The following NAB1 variants were observed in gnomAD, a reference collection of about 807,000 sequenced individuals.
NAB1 encodes the protein NGFI-A binding protein 1.
In NAB1, 25 loss-of-function variants were observed where a neutral mutation model predicts 49.9. That is an observed-to-expected ratio of 0.50 (90% CI 0.37 to 0.70). NAB1 has a LOEUF of 0.70. NAB1 is among the 30% of genes least tolerant of loss of function. The pLI is 0.00. For missense variants in NAB1, 489 were observed against 575.9 expected (o/e 0.85, Z 1.54); for synonymous variants, 198 against 215.6 (o/e 0.92, Z 0.71).
chr2:190,688,493 A>T (rs1356151752), intron 9 of NAB1, among the ~76,000 whole-genome samples: 1 of 152,204 alleles, frequency 6.6e-6, no homozygotes, highest in Non-Finnish European at 1.5e-5. Flanking sequence ...TTATCCTAAA[A>T]AGATGACATC....
Position 190,690,598 on chromosome 2 carries a change from T to C in NAB1, c.*265T>C, listed in dbSNP as rs947767735. On this transcript the variant is annotated 3_prime_UTR_variant, in exon 10 of 10. Transcript: ENST00000337386. ...TTAAGTCATTTTATATGGAAAGGCT[T>C]ACAAATCAATATTGTAAGCATTCAT... 10 of 326,892 alleles carry C rather than the reference T, an allele frequency of 3.1e-5. No homozygotes were observed. The highest frequency in any genetic ancestry group is 4.5e-5 in the Non-Finnish European group (8 of 176,480). 20.2% of individuals were successfully genotyped at this position (326,892 alleles called of 1,614,324 possible). A position where few individuals can be genotyped will look rare whatever the true frequency, so the allele number is the denominator to read the frequency against.
intron 3 of NAB1, chr2:190,658,909 G>A (rs978917532): frequency 4.5e-5 from 16 of 353,448 alleles, no homozygotes; most frequent in Non-Finnish European, 8.2e-5. Flanking sequence ...TTGATCCTTG[G>A]TTTGAACCTC....
In NAB1 at chr2:190,675,120, A is replaced by T. The variant is rs1695008067; in HGVS notation, c.1005+1968A>T. 6.6e-6 allele frequency among the ~76,000 whole-genome samples: 1 copy of T among 152,210 alleles called. No individual in the cohort carries two copies. The highest frequency in any genetic ancestry group is 6.5e-5 in the Admixed American group (1 of 15,290). The stretch of plus-strand genomic sequence containing the variant: ...AAAGGGAAAGGCAGGTGAACATAGA[A>T]ACTGCTAAGAAGGCATGTGCCATTG... On this transcript the variant is annotated intron_variant, in intron 6 of 9. Coordinates refer to ENST00000337386, the MANE Select transcript of NAB1 (RefSeq NM_005966.4). The surrounding 1 kb of genome is among the most constrained non-coding windows in gnomAD (Gnocchi z 5.2).
intron 9 of NAB1, among the ~76,000 whole-genome samples, chr2:190,688,792 C>CTTCCTTTCTTTTCT (rs1431087024): frequency 2.0e-5 from 3 of 149,154 alleles, no homozygotes; most frequent in African/African-American, 7.5e-5. Flanking sequence ...CCTTTCTTTC[C>CTTCCTTTCTTTTCT]TTCCTTTCTT....
Position 190,666,845 on chromosome 2 carries a change from T to A in NAB1, c.820-3481T>A, listed in dbSNP as rs1559235601. On this transcript the variant is annotated intron_variant, in intron 4 of 9. Coordinates refer to ENST00000337386, the MANE Select transcript of NAB1 (RefSeq NM_005966.4). This position sits in a 1 kb window ranked among gnomAD's most constrained non-coding sequence, Gnocchi z 5.6. ...TGTTACTTTATCCTTTTAACAAAAT[T>A]AGAGTATTGGCATTCAGAAAAAGCT... is the stretch of plus-strand genomic sequence containing the variant. 6.6e-6 allele frequency among the ~76,000 whole-genome samples: 1 copy of A among 152,238 alleles called. No homozygotes were observed. The highest frequency in any genetic ancestry group is 2.4e-5 in the African/African-American group (1 of 41,450).
Position 190,667,346 on chromosome 2 carries a change from T to A in NAB1, c.820-2980T>A, listed in dbSNP as rs1239654089. ...ATCTTACTGAAAATCAGAGGTTTCC[T>A]TAGTAATTTAGATTTATTAATATGA... On this transcript the variant is annotated intron_variant, in intron 4 of 9. Transcript: ENST00000337386. This position sits in a 1 kb window ranked among gnomAD's most constrained non-coding sequence, Gnocchi z 4.4. 6.6e-6 allele frequency among the ~76,000 whole-genome samples: 1 copy of A among 152,250 alleles called. No individual in the cohort carries two copies. Among genetic ancestry groups the A allele is most frequent in the Non-Finnish European group, 1.5e-5 (1 of 68,042 alleles).
In NAB1 at chr2:190,682,847, G is replaced by A. The variant is rs1196946972; in HGVS notation, c.1006-891G>A. ...AATTGTCATGTATTGCTTGTGGTAT[G>A]ATAAACTAGTAAAGGCCCTCTATAG... On this transcript the variant is annotated intron_variant, in intron 6 of 9. Transcript: ENST00000337386. This position sits in a 1 kb window ranked among gnomAD's most constrained non-coding sequence, Gnocchi z 4.1. Among the ~76,000 whole-genome samples the A allele has an allele frequency of 6.6e-6, 1 of 152,186 alleles. No individual in the cohort carries two copies. The highest frequency in any genetic ancestry group is 1.5e-5 in the Non-Finnish European group (1 of 68,034).
In NAB1 at chr2:190,655,990, G is replaced by A. The variant is rs925149038; in HGVS notation, c.-183G>A. The A allele has an allele frequency of 6.6e-6, 1 of 152,272 alleles. No homozygotes were observed. The highest frequency in any genetic ancestry group is 1.5e-5 in the Non-Finnish European group (1 of 68,066). 9.4% of individuals were successfully genotyped at this position (152,272 alleles called of 1,614,324 possible). On this transcript the variant is annotated 5_prime_UTR_variant, in exon 3 of 10. Coordinates refer to ENST00000337386, the MANE Select transcript of NAB1 (RefSeq NM_005966.4). ...TTCTTTTTATAGGACTGAGCAGGGG[G>A]AGGAACATTTAAGCTGATGGAAGTG...
rs58381017 is a variant in NAB1, at chr2:190,681,426, T to TAAAGA, written c.1006-2311_1006-2310insAAGAA. Among the ~76,000 whole-genome samples the TAAAGA allele has an allele frequency of 2.6e-5, 4 of 152,224 alleles. No individual in the cohort carries two copies. In the South Asian group the frequency reaches 8.3e-4, roughly 32 times the overall value. On this transcript the variant is annotated intron_variant, in intron 6 of 9. Coordinates refer to ENST00000337386, the MANE Select transcript of NAB1 (RefSeq NM_005966.4). ...AGAAAGTTGGATTTTTCAGTCTAAATAGAAAACTTATTTATAAGAAAACTG... is the reference window on the plus strand; with the variant it reads ...AGAAAGTTGGATTTTTCAGTCTAAATAAAGAAGAAAACTTATTTATAAGAAAACTG...
At position 190,657,488 on chromosome 2, in the gene NAB1, A is replaced by T. The variant is rs75046693; in HGVS notation, c.-20+1335A>T. On this transcript the variant is annotated intron_variant, in intron 3 of 9. Coordinates refer to ENST00000337386, the MANE Select transcript of NAB1 (RefSeq NM_005966.4). The surrounding 1 kb of genome is among the most constrained non-coding windows in gnomAD (Gnocchi z 4.4). Reference sequence around the variant, plus strand: ...TGAGATGCATCTCAGGCACCTGGGAAACTGTATTTTTCAAAAGCACCCCAG... The same window carrying T: ...TGAGATGCATCTCAGGCACCTGGGATACTGTATTTTTCAAAAGCACCCCAG... Among the ~76,000 whole-genome samples, 1 of 152,232 alleles carries T rather than the reference A, an allele frequency of 6.6e-6. No individual in the cohort carries two copies. The highest frequency in any genetic ancestry group is 1.5e-5 in the Non-Finnish European group (1 of 68,012).
intron 3 of NAB1, among the ~76,000 whole-genome samples, chr2:190,658,147 A>G (rs913496748): frequency 2.0e-5 from 3 of 152,174 alleles, no homozygotes; most frequent in Middle Eastern, 3.2e-3. Context: ...TTGGGCTCAA[A>G]AAGTATGTTT....
At position 190,685,550 on chromosome 2, in the gene NAB1, C is replaced by T. The variant is rs145836084; in HGVS notation, c.1170C>T (p.Ala390=). The T allele has an allele frequency of 1.9e-5, 31 of 1,613,822 alleles. No individual in the cohort carries two copies. Among genetic ancestry groups the T allele is most frequent in the African/African-American group, 1.9e-4 (14 of 74,890 alleles). Residue 390 remains alanine, a synonymous_variant, in exon 8 of 10, where the codon GCC becomes GCT. Transcript: ENST00000337386. This position sits in a 1 kb window ranked among gnomAD's most constrained non-coding sequence, Gnocchi z 4.5. ...NQAGYERLQH[A]ERRLSAGLYR... is the part of the protein sequence containing the mutation. ...CTGGCTATGAGAGACTGCAGCATGC[C>T]GAGAGGAGGTTGTCTGCAGGGCTTT...
chr2:190,666,174 T>A lies in NAB1; in HGVS notation c.820-4152T>A, dbSNP rs922108689. 6.6e-6 allele frequency among the ~76,000 whole-genome samples: 1 copy of A among 152,142 alleles called. No individual in the cohort carries two copies. The highest frequency in any genetic ancestry group is 2.4e-5 in the African/African-American group (1 of 41,434). On this transcript the variant is annotated intron_variant, in intron 4 of 9. Transcript: ENST00000337386. The surrounding 1 kb of genome is among the most constrained non-coding windows in gnomAD (Gnocchi z 5.6). Reference sequence around the variant, plus strand: ...TTTTTCTGAGAGGGGCCAGTAATGGTACCTAGCCCTCCCAGTGCTGGAAAT... The same window carrying A: ...TTTTTCTGAGAGGGGCCAGTAATGGAACCTAGCCCTCCCAGTGCTGGAAAT...
chr2:190,650,310 C>T (rs1693596552), intron 2 of NAB1, among the ~76,000 whole-genome samples: 1 of 152,158 alleles, frequency 6.6e-6, no homozygotes, highest in African/African-American at 2.4e-5. Flanking sequence ...TAACTTGTCA[C>T]TACCAGTTGG....
chr2:190,661,218 A>G (rs1471822370), intron 4 of NAB1, among the ~76,000 whole-genome samples: 1 of 152,238 alleles, frequency 6.6e-6, no homozygotes, highest in Non-Finnish European at 1.5e-5. Flanking sequence ...GGTATGAGCC[A>G]CTGTACCTAG....
In NAB1 at chr2:190,670,705, A is replaced by T. The variant is rs2125721526; in HGVS notation, c.953+246A>T. On this transcript the variant is annotated intron_variant, in intron 5 of 9. Transcript: ENST00000337386. This position sits in a 1 kb window ranked among gnomAD's most constrained non-coding sequence, Gnocchi z 5.3. ...TAGCATTGTTCTGGTAGTGGTTTTA[A>T]ACATTCTTCTCTCATACACACACTT... Among the ~76,000 whole-genome samples the T allele has an allele frequency of 6.6e-6, 1 of 152,286 alleles. No individual in the cohort carries two copies. Among genetic ancestry groups the T allele is most frequent in the East Asian group, 1.9e-4 (1 of 5,190 alleles).
rs1694334337 is a variant in NAB1 at position 190,663,583 on chromosome 2, T to C, written c.819+3588T>C. On this transcript the variant is annotated intron_variant, in intron 4 of 9. Coordinates refer to ENST00000337386, the MANE Select transcript of NAB1 (RefSeq NM_005966.4). This position sits in a 1 kb window ranked among gnomAD's most constrained non-coding sequence, Gnocchi z 4.2. ...CTCTCTGGCCTTTTACAGAAAAAGCTTGCCAACCTCTGATCTTTTTGAAGA... is the reference window on the plus strand; with the variant it reads ...CTCTCTGGCCTTTTACAGAAAAAGCCTGCCAACCTCTGATCTTTTTGAAGA... Among the ~76,000 whole-genome samples the C allele has an allele frequency of 6.6e-6, 1 of 152,230 alleles. No individual in the cohort carries two copies. The highest frequency in any genetic ancestry group is 2.1e-4 in the South Asian group (1 of 4,836).
At position 190,685,118 on chromosome 2, in the gene NAB1, G is replaced by A. The variant is rs1333567303; in HGVS notation, c.1096-358G>A. ...TGCCAAGATTTCGCCCCAAGTGTTAGAAGTAGTTTATAGCAGATGTTGCTG... is the reference window on the plus strand; with the variant it reads ...TGCCAAGATTTCGCCCCAAGTGTTAAAAGTAGTTTATAGCAGATGTTGCTG... On this transcript the variant is annotated intron_variant, in intron 7 of 9. Coordinates refer to ENST00000337386, the MANE Select transcript of NAB1 (RefSeq NM_005966.4). The surrounding 1 kb of genome is among the most constrained non-coding windows in gnomAD (Gnocchi z 4.5). 6.6e-6 allele frequency among the ~76,000 whole-genome samples: 1 copy of A among 152,166 alleles called. No individual in the cohort carries two copies. Among genetic ancestry groups the A allele is most frequent in the Non-Finnish European group, 1.5e-5 (1 of 68,024 alleles).
chr2:190,664,713 T>G (rs1026332922), intron 4 of NAB1, among the ~76,000 whole-genome samples: 1 of 147,610 alleles, frequency 6.8e-6, no homozygotes, highest in Admixed American at 7.0e-5. Context: ...ATTACAGACG[T>G]GAGCCACCAC....
Sources: gnomAD v4.1 joint callset for allele counts (sites outside exome capture counted in the v4.1 genomes callset) on GRCh38, gnomAD v4.1.1 for gene constraint, Gnocchi (gnomAD v3.1) non-coding constraint, MANE v1.5 for transcripts, NCBI Gene and HGNC (gene_info 2026-07-23, HGNC 2026-07-21) for gene names.